TSC22D1: variants seen among roughly 807,000 people sequenced by gnomAD.
TSC22D1 encodes TSC22 domain family protein 1.
Under a neutral mutation model 74.2 loss-of-function variants are expected in TSC22D1, and 9 were observed. The ratio of observed to expected loss-of-function variants is 0.12; its 90% CI spans 0.07 to 0.21. The LOEUF (loss-of-function observed/expected upper bound fraction) is 0.21. Ranked by LOEUF, TSC22D1 falls within the 10% of genes least tolerant of loss-of-function variation. TSC22D1 has a pLI of 1.00. For synonymous variants in TSC22D1, 586 were observed against 492.5 expected (o/e 1.19, Z -2.51); for missense variants, 1,427 against 1,304.7 (o/e 1.09, Z -1.44).
At chr13:44,436,887 A>C in intron 1 of TSC22D1, 7 of 1,143,366 alleles carry the variant, frequency 6.1e-6, no homozygotes, top group Non-Finnish European at 6.4e-6. Flanking sequence ...TGCAAAATAT[A>C]TGCAGGAAAG....
chr13:44,439,145 C>CTATTTA (rs987736552), intron 1 of TSC22D1, among the ~76,000 whole-genome samples: 1 of 152,184 alleles, frequency 6.6e-6, no homozygotes, highest in African/African-American at 2.4e-5. Context: ...CAACCATAGT[C>CTATTTA]TATTTAACCC....
chr13:44,438,933 C>T (rs1269104342), intron 1 of TSC22D1, among the ~76,000 whole-genome samples: 1 of 151,994 alleles, frequency 6.6e-6, no homozygotes, highest in Non-Finnish European at 1.5e-5. Flanking sequence ...ATTAAAGCAC[C>T]ATTTAAGCTA....
At chr13:44,448,169 C>A (rs552316191) in intron 1 of TSC22D1, among the ~76,000 whole-genome samples, 1 of 152,178 alleles carries the variant, frequency 6.6e-6, no homozygotes, top group East Asian at 1.9e-4. Flanking sequence ...ATTTCGAGAA[C>A]CTCATGCAAG....
intron 1 of TSC22D1, 33 bp downstream of exon 1, chr13:44,573,130 T>C: frequency 6.3e-7 from 1 of 1,599,780 alleles, no homozygotes; most frequent in Middle Eastern, 1.7e-4. Flanking sequence ...TTCAAATCTG[T>C]TGAATGTCTC....
chr13:44,506,997 T>C (rs1022733801), intron 1 of TSC22D1, among the ~76,000 whole-genome samples: 16 of 152,136 alleles, frequency 1.1e-4, no homozygotes, highest in African/African-American at 3.9e-4. Context: ...GCTTTTAGCC[T>C]GGAGTACTGG....
chr13:44,477,393 A>G (rs917794635), intron 1 of TSC22D1, among the ~76,000 whole-genome samples: 2 of 152,246 alleles, frequency 1.3e-5, no homozygotes, highest in African/African-American at 4.8e-5. Context: ...AAATACAATC[A>G]CTGCAAAAAT....
In TSC22D1 at chr13:44,434,473, A is replaced by G; in HGVS notation, c.*153T>C. 1 of 1,386,246 alleles carries G rather than the reference A, an allele frequency of 7.2e-7. No homozygotes were observed. The allele number at this position is 1,386,246 out of a possible 1,614,324, so 85.9% of individuals were successfully genotyped here. A position where few individuals can be genotyped will look rare whatever the true frequency, so the allele number is the denominator to read the frequency against. On this transcript the variant is annotated 3_prime_UTR_variant, in exon 3 of 3. Coordinates refer to ENST00000458659, the MANE Select transcript of TSC22D1 (RefSeq NM_183422.4). ...CCAAGCCATAAGCATATGAGTGTTT[A>G]ATACTGGAAAAGAGATAATGGCATA...
chr13:44,494,819 T>TTA (rs1164916659), intron 1 of TSC22D1, among the ~76,000 whole-genome samples: 2 of 152,178 alleles, frequency 1.3e-5, no homozygotes, highest in African/African-American at 2.4e-5. Flanking sequence ...ATTTCTTAAG[T>TTA]ATGCTCAAAG....
At chr13:44,452,418 T>C (rs993696586) in intron 1 of TSC22D1, among the ~76,000 whole-genome samples, 1 of 152,196 alleles carries the variant, frequency 6.6e-6, no homozygotes, top group African/African-American at 2.4e-5. Context: ...ACCTGCCTAA[T>C]GTGTGGATGA....
intron 1 of TSC22D1, among the ~76,000 whole-genome samples, chr13:44,454,615 C>A (rs1876418081): frequency 6.6e-6 from 1 of 152,162 alleles, no homozygotes; most frequent in African/African-American, 2.4e-5. Flanking sequence ...CTAAAACATA[C>A]TAGACAAAGG....
At chr13:44,537,054 T>A in intron 1 of TSC22D1, 1 of 963,890 alleles carries the variant, frequency 1.0e-6, no homozygotes, top group Middle Eastern at 5.3e-4. Flanking sequence ...TGTTGCAGTT[T>A]TCACTTTCTA....
intron 1 of TSC22D1, among the ~76,000 whole-genome samples, chr13:44,506,386 A>G (rs1879449619): frequency 6.6e-6 from 1 of 152,206 alleles, no homozygotes; most frequent in African/African-American, 2.4e-5. Context: ...GCAGGAACAG[A>G]AAACCAAATG....
Position 44,434,024 on chromosome 13 carries a change from A to C in TSC22D1, c.*602T>G. The C allele has an allele frequency of 6.5e-7, 1 of 1,534,148 alleles. No homozygotes were observed. The highest frequency in any genetic ancestry group is 8.7e-7 in the Non-Finnish European group (1 of 1,146,532). On this transcript the variant is annotated 3_prime_UTR_variant, in exon 3 of 3. Transcript: ENST00000458659. Reference sequence around the variant, plus strand: ...TTCATGGTAAGATAGCCTAGGTCCCAGCTACCTGTCACCATTTTGTCACTC... The same window carrying C: ...TTCATGGTAAGATAGCCTAGGTCCCCGCTACCTGTCACCATTTTGTCACTC...
chr13:44,454,690 T>C (rs1365155263), intron 1 of TSC22D1, among the ~76,000 whole-genome samples: 2 of 152,358 alleles, frequency 1.3e-5, no homozygotes, highest in African/African-American at 2.4e-5. Flanking sequence ...CTACACGTTA[T>C]GTATATTACC....
chr13:44,576,960 C>A (rs1284139447), upstream of TSC22D1: 1 of 152,622 alleles, frequency 6.6e-6, no homozygotes, highest in Non-Finnish European at 1.5e-5. Flanking sequence ...AGGAAGGGGC[C>A]GGCACCCGAG....
intron 1 of TSC22D1, among the ~76,000 whole-genome samples, chr13:44,516,975 T>G (rs1880019512): frequency 6.6e-6 from 1 of 152,198 alleles, no homozygotes; most frequent in Non-Finnish European, 1.5e-5. Context: ...TGATCTCAGC[T>G]CTACACCAGG....
intron 1 of TSC22D1, among the ~76,000 whole-genome samples, chr13:44,488,482 A>G (rs1434682732): frequency 1.3e-5 from 2 of 152,228 alleles, no homozygotes; most frequent in African/African-American, 4.8e-5. Context: ...CCATTTTTAA[A>G]TTACGCATAA....
At chr13:44,436,446 GTAT>G (rs1305783069) in intron 1 of TSC22D1, 3 of 1,575,704 alleles carry the variant, frequency 1.9e-6, no homozygotes, top group Non-Finnish European at 2.6e-6. Context: ...TCTTTCACCT[GTAT>G]TATTATAAGT....
At chr13:44,467,146 A>C (rs1877334021) in intron 1 of TSC22D1, among the ~76,000 whole-genome samples, 1 of 152,086 alleles carries the variant, frequency 6.6e-6, no homozygotes, top group African/African-American at 2.4e-5. Context: ...TGGGCAACAG[A>C]GCAAGACTCC....
Sources: gnomAD v4.1 joint callset for allele counts (sites outside exome capture counted in the v4.1 genomes callset) on GRCh38, gnomAD v4.1.1 for gene constraint, MANE v1.5 for transcripts, NCBI Gene and HGNC (gene_info 2026-07-23, HGNC 2026-07-21) for gene names.